The following CNTNAP2 variants were observed in gnomAD, a reference collection of about 807,000 sequenced individuals.
CNTNAP2 encodes contactin associated protein 2, also known as contactin-associated protein-like 2.
In CNTNAP2, 98 loss-of-function variants were observed where a neutral mutation model predicts 155.2. That is an observed-to-expected ratio of 0.63 (90% CI 0.54 to 0.75). CNTNAP2 has a LOEUF of 0.75. Among genes scored for constraint, CNTNAP2 ranks in the 30% least tolerant of loss-of-function variants. The pLI is 0.00. For synonymous variants in CNTNAP2, 651 were observed against 631.2 expected (o/e 1.03, Z -0.47); for missense variants, 1,727 against 1,688.1 (o/e 1.02, Z -0.40).
intron 16 of CNTNAP2, among the ~76,000 whole-genome samples, chr7:148,140,492 C>T (rs1397782651): frequency 3.3e-5 from 5 of 150,164 alleles, no homozygotes; most frequent in East Asian, 2.0e-4. Context: ...GGCACCATCT[C>T]GGCTCACCAC....
At chr7:146,302,448 A>C (rs147192326) in intron 1 of CNTNAP2, among the ~76,000 whole-genome samples, 1 of 152,156 alleles carries the variant, frequency 6.6e-6, no homozygotes, top group Admixed American at 6.5e-5. Flanking sequence ...AACAGCTGAC[A>C]CATATAGTAT....
At chr7:146,766,958 A>T (rs1802205951) in intron 1 of CNTNAP2, among the ~76,000 whole-genome samples, 1 of 152,164 alleles carries the variant, frequency 6.6e-6, no homozygotes, top group Admixed American at 6.5e-5. Flanking sequence ...TAAAAAGAAA[A>T]AAGGAAGGCA....
intron 1 of CNTNAP2, among the ~76,000 whole-genome samples, chr7:146,634,043 G>A (rs1221691993): frequency 1.3e-5 from 2 of 152,052 alleles, no homozygotes; most frequent in South Asian, 4.1e-4. Context: ...CTGGAAAGAG[G>A]CTGAGGTGCC....
intron 2 of CNTNAP2, among the ~76,000 whole-genome samples, chr7:146,789,611 A>G (rs1241733824): frequency 6.6e-6 from 1 of 151,590 alleles, no homozygotes; most frequent in Non-Finnish European, 1.5e-5. Flanking sequence ...AAAAAAAAAA[A>G]GACAAACCTG....
At chr7:147,794,996 A>G (rs1321037083) in intron 13 of CNTNAP2, among the ~76,000 whole-genome samples, 1 of 151,748 alleles carries the variant, frequency 6.6e-6, no homozygotes. Context: ...TGGTGAGTCT[A>G]GTTCACAGTT....
At chr7:147,802,109 G>A (rs547887456) in intron 13 of CNTNAP2, among the ~76,000 whole-genome samples, 285 of 149,254 alleles carry the variant, frequency 1.9e-3, no homozygotes, top group African/African-American at 6.4e-3. Flanking sequence ...CGGGGCGGCC[G>A]GGCAGAGACG....
At position 147,791,401 on chromosome 7, in the gene CNTNAP2, T is replaced by C. The variant is rs183428344; in HGVS notation, c.2099-112164T>C. ...ATTTTATCTGATTTGTCATACCTCT[T>C]GTTTGATATATATAGTCTTTCTCTG... is the stretch of plus-strand genomic sequence containing the variant. On this transcript the variant is annotated intron_variant, in intron 13 of 23. Coordinates refer to ENST00000361727, the MANE Select transcript of CNTNAP2 (RefSeq NM_014141.6). 1.3e-4 allele frequency among the ~76,000 whole-genome samples: 20 copies of C among 152,162 alleles called. No homozygotes were observed. In the East Asian group the frequency reaches 3.3e-3, roughly 25 times the overall value.
chr7:147,227,357 A>C (rs767231704), intron 8 of CNTNAP2, among the ~76,000 whole-genome samples: 1 of 152,120 alleles, frequency 6.6e-6, no homozygotes, highest in Non-Finnish European at 1.5e-5. Context: ...CTTTAGTCTG[A>C]GTAGGATGGG....
chr7:146,578,061 T>G (rs1037825892), intron 1 of CNTNAP2, among the ~76,000 whole-genome samples: 145 of 152,280 alleles, frequency 9.5e-4, no homozygotes, highest in Non-Finnish European at 4.3e-4. Context: ...TTATTAATTA[T>G]TCTAATAAAA....
intron 13 of CNTNAP2, among the ~76,000 whole-genome samples, chr7:147,720,930 G>A (rs1340135614): frequency 1.3e-5 from 2 of 152,088 alleles, no homozygotes; most frequent in East Asian, 3.9e-4. Context: ...CAGCCTGTGA[G>A]TTATAGGGTG....
intron 5 of CNTNAP2, among the ~76,000 whole-genome samples, chr7:147,111,851 CT>C (rs1444770359): frequency 1.3e-5 from 2 of 152,066 alleles, no homozygotes; most frequent in South Asian, 4.2e-4. Flanking sequence ...CCATTGGACT[CT>C]TTTTTGGTTC....
chr7:147,369,798 T>A (rs1056724287), intron 9 of CNTNAP2, among the ~76,000 whole-genome samples: 1 of 152,202 alleles, frequency 6.6e-6, no homozygotes, highest in East Asian at 1.9e-4. Context: ...TTGCAGCATA[T>A]CTCTAATTGG....
At chr7:146,327,519 T>C (rs1801117506) in intron 1 of CNTNAP2, among the ~76,000 whole-genome samples, 1 of 152,170 alleles carries the variant, frequency 6.6e-6, no homozygotes, top group African/African-American at 2.4e-5. Flanking sequence ...ACAAATGAAA[T>C]TAAAATTTGA....
intron 1 of CNTNAP2, among the ~76,000 whole-genome samples, chr7:146,759,777 G>C (rs1279191521): frequency 6.7e-6 from 1 of 149,994 alleles, no homozygotes; most frequent in Non-Finnish European, 1.5e-5. Context: ...ATGGGCATTA[G>C]TGCATAGCTA....
chr7:147,601,588 G>A (rs1235651666), intron 12 of CNTNAP2, among the ~76,000 whole-genome samples: 1 of 148,482 alleles, frequency 6.7e-6, no homozygotes, highest in African/African-American at 2.5e-5. Flanking sequence ...TGGGCTCAGA[G>A]GCCTGACAAG....
chr7:146,893,449 A>ATG (rs1346486729), intron 3 of CNTNAP2, among the ~76,000 whole-genome samples: 1 of 144,170 alleles, frequency 6.9e-6, no homozygotes, highest in Non-Finnish European at 1.5e-5. Flanking sequence ...GTATGTATAT[A>ATG]TGTGTGTGTG....
chr7:147,739,773 C>A (rs1387984251), intron 13 of CNTNAP2, among the ~76,000 whole-genome samples: 7 of 151,974 alleles, frequency 4.6e-5, no homozygotes, highest in Admixed American at 4.6e-4. Flanking sequence ...AATGTATCAT[C>A]AATATCATCA....
intron 1 of CNTNAP2, among the ~76,000 whole-genome samples, chr7:146,390,750 A>T (rs2129106525): frequency 6.7e-6 from 1 of 148,470 alleles, no homozygotes; most frequent in East Asian, 1.9e-4. Context: ...ACTAATATAT[A>T]TTATTATATT....
At chr7:146,236,660 T>A (rs888041520) in intron 1 of CNTNAP2, among the ~76,000 whole-genome samples, 3 of 152,210 alleles carry the variant, frequency 2.0e-5, no homozygotes, top group African/African-American at 7.2e-5. Flanking sequence ...ACTTAACCGA[T>A]GAGAGCAGCA....
Sources: allele counts gnomAD v4.1 joint callset (sites outside exome capture counted in the v4.1 genomes callset), GRCh38; gene constraint gnomAD v4.1.1; transcripts MANE v1.5; gene names NCBI Gene and HGNC (gene_info 2026-07-23, HGNC 2026-07-21).